Variants in RBL2 observed in about 807,000 individuals in gnomAD.
RBL2 encodes the protein RB transcriptional corepressor like 2.
RBL2 carries 56 observed loss-of-function variants against 126.0 expected under a neutral mutation model. The observed-to-expected ratio is 0.44, with a 90% confidence interval of 0.36 to 0.56. The LOEUF (loss-of-function observed/expected upper bound fraction) is 0.56. RBL2 is among the 20% of genes least tolerant of loss of function. RBL2 has a pLI of 0.00. For missense variants in RBL2, 1,229 were observed against 1,398.2 expected (o/e 0.88, Z 1.93); for synonymous variants, 454 against 478.5 (o/e 0.95, Z 0.67).
intron 21 of RBL2, among the ~76,000 whole-genome samples, chr16:53,482,615 G>A (rs185492194): frequency 6.6e-6 from 1 of 152,238 alleles, no homozygotes; most frequent in Admixed American, 6.5e-5. Flanking sequence ...TTCAAGACCA[G>A]CCTAGTCAAC....
intron 3 of RBL2, chr16:53,445,718 G>GTTAGGTA (rs2058056268): frequency 6.6e-6 from 1 of 152,204 alleles, no homozygotes; most frequent in Admixed American, 6.6e-5. Context: ...AGGAAATACT[G>GTTAGGTA]TTAGGTATTA....
chr16:53,462,173 A>G (rs2058228009), intron 10 of RBL2, among the ~76,000 whole-genome samples: 1 of 152,194 alleles, frequency 6.6e-6, no homozygotes, highest in African/African-American at 2.4e-5. Context: ...TATCACTGTT[A>G]TGGGCCCAAA....
intron 14 of RBL2, 106 bp from the exon 15 acceptor site, chr16:53,469,810 G>GAA: frequency 2.4e-6 from 3 of 1,256,470 alleles, no homozygotes; most frequent in Non-Finnish European, 3.2e-6. Context: ...TTTGAATTAT[G>GAA]AAGTATTTCA....
intron 15 of RBL2, 40 bp downstream of exon 15, chr16:53,470,225 G>A (rs2058309181): frequency 6.4e-7 from 1 of 1,574,376 alleles, no homozygotes; most frequent in African/African-American, 1.4e-5. Context: ...CCTTCTCTGT[G>A]GCATGTATTG....
Position 53,447,063 on chromosome 16 carries a change from T to C in RBL2, c.594T>C (p.Ser198=). 1 of 1,594,606 alleles carries C rather than the reference T, an allele frequency of 6.3e-7. No homozygotes were observed. Among genetic ancestry groups the C allele is most frequent in the Non-Finnish European group, 8.5e-7 (1 of 1,170,228 alleles). ...AAAGGCGACAGCCCTGTACTGTGTC[T>C]GAAATTTTCCATTTTTGTTGGGTGC... The part of the protein sequence containing the change: ...RKQRRQPCTV[S]EIFHFCWVLF... The change falls in exon 4 of 22, where the codon TCT becomes TCC. Residue 198 remains serine (S), a synonymous_variant. Coordinates refer to ENST00000262133, the MANE Select transcript of RBL2 (RefSeq NM_005611.4).
chr16:53,438,038 A>AAAAT (rs766766655), intron 1 of RBL2, among the ~76,000 whole-genome samples: 1 of 152,142 alleles, frequency 6.6e-6, no homozygotes, highest in Non-Finnish European at 1.5e-5. Context: ...AAAAAAATAA[A>AAAAT]AAATAAATAA....
intron 2 of RBL2, among the ~76,000 whole-genome samples, chr16:53,440,909 A>G (rs184124840): frequency 2.0e-5 from 3 of 148,900 alleles, no homozygotes; most frequent in Admixed American, 2.0e-4. Flanking sequence ...AAGTTTGGTC[A>G]CTGTACAGGG....
chr16:53,453,819 G>A lies in RBL2; in HGVS notation c.992+50G>A, dbSNP rs182742454. On this transcript the variant is annotated intron_variant, in intron 7 of 21. Coordinates refer to ENST00000262133, the MANE Select transcript of RBL2 (RefSeq NM_005611.4). ...TTAATATTTTAAATTGTATACTTAGGAAACTTCAGAAGTTAGTGTTTTTAT... is the reference window on the plus strand; with the variant it reads ...TTAATATTTTAAATTGTATACTTAGAAAACTTCAGAAGTTAGTGTTTTTAT... 511 of 1,420,100 alleles carry A rather than the reference G, an allele frequency of 3.6e-4. 2 individuals are homozygous for A. In the African/African-American group the frequency reaches 5.9e-3, roughly 16 times the overall value. The allele number at this position is 1,420,100 out of a possible 1,614,324, so 88.0% of individuals were successfully genotyped here. A position where few individuals can be genotyped will look rare whatever the true frequency, so the allele number is the denominator to read the frequency against.
intron 21 of RBL2, chr16:53,488,412 A>G (rs1961260438): frequency 6.6e-6 from 1 of 152,218 alleles, no homozygotes; most frequent in Non-Finnish European, 1.5e-5. Context: ...GGATTTTTTC[A>G]GAGGAACAGT....
Position 53,480,668 on chromosome 16 carries a change from A to G in RBL2, c.2983A>G (p.Ser995Gly), listed in dbSNP as rs199555150. The change falls in exon 20 of 22, where the codon AGT (serine) becomes GGT (glycine). Residue 995 changes from serine to glycine, a missense_variant. Physicochemically the swap from Ser to Gly is moderately conservative, Grantham distance 56. Transcript: ENST00000262133. ...PTPTRLTGAN[S>G]DMEEEERGDL... ...ACCTACTCGCCTCACAGGTGCCAACAGTGACATGGAAGAAGAGGAGAGGGG... is the reference window on the plus strand; with the variant it reads ...ACCTACTCGCCTCACAGGTGCCAACGGTGACATGGAAGAAGAGGAGAGGGG... 754 of 1,613,954 alleles carry G rather than the reference A, an allele frequency of 4.7e-4. No individual in the cohort carries two copies. The East Asian group carries it at 6.5e-3, about 14-fold the overall frequency.
intron 1 of RBL2, among the ~76,000 whole-genome samples, chr16:53,437,727 A>T (rs1478217486): frequency 6.6e-6 from 1 of 152,044 alleles, no homozygotes; most frequent in Non-Finnish European, 1.5e-5. Context: ...TTTGAGCAAG[A>T]TTAAAAATAT....
intron 14 of RBL2, among the ~76,000 whole-genome samples, chr16:53,468,845 A>G (rs1227858156): frequency 2.0e-5 from 3 of 152,214 alleles, no homozygotes; most frequent in Admixed American, 6.5e-5. Flanking sequence ...AAATTCAGAC[A>G]TTGGTGTGAA....
At chr16:53,454,918 C>T (rs2058152789) in intron 8 of RBL2, 76 bp downstream of exon 8, 4 of 1,307,710 alleles carry the variant, frequency 3.1e-6, no homozygotes, top group South Asian at 1.8e-5. Context: ...TTGGTAATTT[C>T]ATGTTTGTGT....
intron 7 of RBL2, among the ~76,000 whole-genome samples, 174 bp downstream of exon 7, chr16:53,453,943 A>G (rs1412745790): frequency 1.3e-5 from 2 of 152,240 alleles, no homozygotes; most frequent in African/African-American, 4.8e-5. Flanking sequence ...AATGTGTTCA[A>G]AATTGTATGG....
intron 4 of RBL2, among the ~76,000 whole-genome samples, chr16:53,447,641 T>G (rs1296319806): frequency 6.6e-6 from 1 of 151,990 alleles, no homozygotes; most frequent in Non-Finnish European, 1.5e-5. Context: ...CTTTTTGTAT[T>G]TATTTATTTA....
At chr16:53,447,021 T>A in intron 3 of RBL2, 21 bp from the exon 4 acceptor site, 1 of 1,466,986 alleles carries the variant, frequency 6.8e-7, no homozygotes, top group Non-Finnish European at 9.1e-7. Flanking sequence ...TCTCATGACT[T>A]TTTTTTTTCT....
rs1960851966 is a variant in RBL2 at position 53,479,281 on chromosome 16, CA to C, written c.2775+62del. ...TAAAGCTTAAAGTCTGTGATGAATA[CA>C]AAAAATTAACCATAGTTGACTCTGT... is the stretch of plus-strand genomic sequence containing the variant. On this transcript the variant is annotated intron_variant, in intron 18 of 21. Transcript: ENST00000262133. 12 of 1,491,704 alleles carry C rather than the reference CA, an allele frequency of 8.0e-6. No individual in the cohort carries two copies. The South Asian group carries it at 1.4e-4, about 17-fold the overall frequency. 92.4% of individuals were successfully genotyped at this position (1,491,704 alleles called of 1,614,324 possible).
At chr16:53,476,049 C>T (rs1302174390) in intron 17 of RBL2, among the ~76,000 whole-genome samples, 1 of 151,728 alleles carries the variant, frequency 6.6e-6, no homozygotes, top group Non-Finnish European at 1.5e-5. Flanking sequence ...GTCTCGAACT[C>T]CTGAGCTCAA....
At chr16:53,479,392 T>A (rs964299959) in intron 18 of RBL2, 167 bp downstream of exon 18, 15 of 596,990 alleles carry the variant, frequency 2.5e-5, no homozygotes, top group Middle Eastern at 4.4e-4. Flanking sequence ...ACATGTTGAT[T>A]AAGGTCTCTT....
Sources: allele counts gnomAD v4.1 joint callset (sites outside exome capture counted in the v4.1 genomes callset), GRCh38; gene constraint gnomAD v4.1.1; transcripts MANE v1.5; gene names NCBI Gene and HGNC (gene_info 2026-07-23, HGNC 2026-07-21).